Variants in PRRC2B observed in about 807,000 individuals in gnomAD.
The protein encoded by PRRC2B is protein PRRC2B.
PRRC2B carries 68 observed loss-of-function variants against 242.3 expected under a neutral mutation model. The ratio of observed to expected loss-of-function variants is 0.28; its 90% CI spans 0.23 to 0.34. The LOEUF is 0.34. Among genes scored for constraint, PRRC2B ranks in the 10% least tolerant of loss-of-function variants. The pLI, the probability that PRRC2B is intolerant of heterozygous loss-of-function variation, is 1.00. For missense variants in PRRC2B, 2,835 were observed against 2,954.8 expected, an observed-to-expected ratio of 0.96 and a Z score of 0.94; for synonymous variants, 1,228 against 1,173.6, an observed-to-expected ratio of 1.05 and a Z score of -0.95.
intron 12 of PRRC2B, among the ~76,000 whole-genome samples, chr9:131,466,681 A>G (rs61364405): frequency 0.028 from 4,282 of 151,638 alleles, 190 homozygotes; most frequent in African/African-American, 0.097. Flanking sequence ...CTGGAGTGCA[A>G]TGGTGTGATC....
Position 131,482,465 on chromosome 9 carries a change from A to G in PRRC2B, c.5078A>G (p.Tyr1693Cys), listed in dbSNP as rs753307910. 4 of 1,612,058 alleles carry G rather than the reference A, an allele frequency of 2.5e-6. No individual in the cohort carries two copies. Among genetic ancestry groups the G allele is most frequent in the South Asian group, 1.1e-5 (1 of 91,044 alleles). The change falls in exon 21 of 32, where the codon TAT becomes TGT. Residue 1693 changes from tyrosine (Y) to cysteine (C), a missense_variant. By Grantham distance (194) the Tyr-to-Cys change is radical. Coordinates refer to ENST00000683519, the MANE Select transcript of PRRC2B (RefSeq NM_013318.4). The surrounding 1 kb of genome is among the most constrained non-coding windows in gnomAD (Gnocchi z 5.2). ...SATSSQRSSP[Y>C]GTLKPEEMSG... ...ACCTCCTCGCAGCGCAGCTCCCCATATGGGACTCTGAAGCCAGAGGAGATG... is the reference window on the plus strand; with the variant it reads ...ACCTCCTCGCAGCGCAGCTCCCCATGTGGGACTCTGAAGCCAGAGGAGATG...
Position 131,430,078 on chromosome 9 carries a change from T to TTTTTTTTTTTG in PRRC2B, c.-51-16_-51-15insTTTTTTTTTTG, listed in dbSNP as rs1838086016. The TTTTTTTTTTTG allele has an allele frequency of 1.4e-6, 1 of 696,808 alleles. No individual in the cohort carries two copies. The highest frequency in any genetic ancestry group is 1.8e-5 in the African/African-American group (1 of 54,090). The allele number at this position is 696,808 out of a possible 1,614,324, so 43.2% of individuals were successfully genotyped here. The stretch of plus-strand genomic sequence containing the variant: ...TCTCTCTCTTTTTTTTTTTTTCTTC[T>TTTTTTTTTTTG]CTATTTCAAAGGCAGATCGGGAGCG... On this transcript the variant is annotated splice_polypyrimidine_tract_variant and intron_variant, in intron 1 of 31. Transcript: ENST00000683519.
intron 1 of PRRC2B, among the ~76,000 whole-genome samples, chr9:131,403,844 C>T (rs754073424): frequency 2.0e-5 from 3 of 151,982 alleles, no homozygotes; most frequent in Admixed American, 1.3e-4. Flanking sequence ...ATGGGATATA[C>T]TATATTGTAT....
chr9:131,419,588 G>C (rs907633003), intron 1 of PRRC2B, among the ~76,000 whole-genome samples: 2 of 152,224 alleles, frequency 1.3e-5, no homozygotes, highest in Non-Finnish European at 2.9e-5. Context: ...CCACGGTGAG[G>C]TGACAGCCGC....
chr9:131,488,726 T>C (rs1042738144), intron 28 of PRRC2B, among the ~76,000 whole-genome samples: 2 of 152,170 alleles, frequency 1.3e-5, no homozygotes, highest in Non-Finnish European at 1.5e-5. Flanking sequence ...TAGACTCCTC[T>C]TCTTCCTTCC....
In PRRC2B at chr9:131,396,239, C is replaced by G. The variant is rs11243390; in HGVS notation, c.-52+1976C>G. Among the ~76,000 whole-genome samples, 358 of 151,938 alleles carry G rather than the reference C, an allele frequency of 2.4e-3. 6 individuals carry two copies. The East Asian group carries it at 0.057, about 24-fold the overall frequency. ...CTGTTTTTCTGGTTCCTTTCTCCTT[C>G]CTTCCTCCCTTGCCCTCTTCCTCTC... On this transcript the variant is annotated intron_variant, in intron 1 of 31. Coordinates refer to ENST00000683519, the MANE Select transcript of PRRC2B (RefSeq NM_013318.4).
intron 1 of PRRC2B, among the ~76,000 whole-genome samples, chr9:131,385,373 C>T (rs536051631): frequency 1.6e-4 from 24 of 149,948 alleles, no homozygotes; most frequent in African/African-American, 5.8e-4. Context: ...CAGGGTCCCC[C>T]AAATGTCCTG....
chr9:131,480,893 A>C (rs537004781), intron 19 of PRRC2B, among the ~76,000 whole-genome samples: 79 of 152,268 alleles, frequency 5.2e-4, no homozygotes, highest in African/African-American at 1.8e-3. Flanking sequence ...AACTTTGGCC[A>C]GGAGTGGTGG....
intron 1 of PRRC2B, among the ~76,000 whole-genome samples, chr9:131,411,337 TTTTG>T (rs2131297027): frequency 9.6e-6 from 1 of 103,668 alleles, no homozygotes; most frequent in East Asian, 3.1e-4. Flanking sequence ...TTTTGTTTTG[TTTTG>T]TTTTTTGTTT....
At chr9:131,403,215 CTGAAT>C (rs1837271313) in intron 1 of PRRC2B, among the ~76,000 whole-genome samples, 1 of 152,130 alleles carries the variant, frequency 6.6e-6, no homozygotes, top group East Asian at 1.9e-4. Context: ...TGTCGGTGGA[CTGAAT>C]GGGCCAAGTG....
At chr9:131,465,519 T>C (rs1943371211) in intron 12 of PRRC2B, among the ~76,000 whole-genome samples, 1 of 152,166 alleles carries the variant, frequency 6.6e-6, no homozygotes, top group South Asian at 2.1e-4. Flanking sequence ...TACAGCACGC[T>C]CCAGTTTCTG....
At chr9:131,437,015 A>G (rs749976041) in intron 4 of PRRC2B, among the ~76,000 whole-genome samples, 8 of 152,190 alleles carry the variant, frequency 5.3e-5, no homozygotes, top group Non-Finnish European at 1.0e-4. Context: ...CTCAGGCTGG[A>G]CTGCAGACTA....
chr9:131,375,818 G>A (rs1450052013), intron 1 of PRRC2B, among the ~76,000 whole-genome samples: 2 of 152,172 alleles, frequency 1.3e-5, no homozygotes, highest in African/African-American at 2.4e-5. Context: ...CACCTGAGGT[G>A]TTCAAGACCA....
chr9:131,460,732 C>T (rs1052542014), intron 11 of PRRC2B, among the ~76,000 whole-genome samples: 1 of 152,178 alleles, frequency 6.6e-6, no homozygotes, highest in Admixed American at 6.5e-5. Context: ...CAGGCCAGTG[C>T]GTGTCCTTTT....
intron 1 of PRRC2B, among the ~76,000 whole-genome samples, chr9:131,388,249 T>TC (rs1836851314): frequency 6.8e-6 from 1 of 146,414 alleles, no homozygotes; most frequent in African/African-American, 2.5e-5. Context: ...CTTTTTTTTT[T>TC]TTTTTTTTTA....
intron 1 of PRRC2B, among the ~76,000 whole-genome samples, chr9:131,411,924 C>G (rs991292844): frequency 6.6e-6 from 1 of 152,102 alleles, no homozygotes; most frequent in Non-Finnish European, 1.5e-5. Flanking sequence ...AGGGAGTCTC[C>G]CAAGTAGCTG....
intron 1 of PRRC2B, among the ~76,000 whole-genome samples, chr9:131,374,446 C>G (rs1447464135): frequency 2.0e-5 from 3 of 152,052 alleles, no homozygotes; most frequent in Non-Finnish European, 4.4e-5. Context: ...TTAAATTTTG[C>G]TAACATGTAT....
chr9:131,488,099 C>T lies in PRRC2B; in HGVS notation c.6225+3C>T. The T allele has an allele frequency of 6.2e-7, 1 of 1,611,382 alleles. No individual in the cohort carries two copies. Among genetic ancestry groups the T allele is most frequent in the Non-Finnish European group, 8.5e-7 (1 of 1,178,128 alleles). ...TGTTGGACTCCCAGCTCCCACAGGT[C>T]AGGAATTCAGTCACTCTACCCAAAG... On this transcript the variant is annotated splice_donor_region_variant and intron_variant, in intron 28 of 31. Coordinates refer to ENST00000683519, the MANE Select transcript of PRRC2B (RefSeq NM_013318.4).
intron 14 of PRRC2B, 110 bp from the exon 15 acceptor site, chr9:131,473,398 C>A: frequency 1.3e-6 from 1 of 754,982 alleles, no homozygotes; most frequent in Non-Finnish European, 2.1e-6. Flanking sequence ...GGTGCTGTAT[C>A]CACATGAAAG....
Sources: allele counts gnomAD v4.1 joint callset (sites outside exome capture counted in the v4.1 genomes callset), GRCh38; gene constraint gnomAD v4.1.1; non-coding constraint Gnocchi (gnomAD v3.1); transcripts MANE v1.5; gene names NCBI Gene and HGNC (gene_info 2026-07-23, HGNC 2026-07-21).